Variants in DLGAP2 observed in about 807,000 individuals in gnomAD.
DLGAP2 encodes the protein DLG associated protein 2.
A neutral mutation model predicts 100.3 loss-of-function variants in DLGAP2; 26 were observed. The ratio of observed to expected loss-of-function variants is 0.26; its 90% confidence interval spans 0.19 to 0.36. DLGAP2 has a LOEUF of 0.36. DLGAP2 is among the 10% of genes least tolerant of loss of function. The pLI is 1.00. For missense variants in DLGAP2, 1,858 were observed against 1,453.2 expected, an observed-to-expected ratio of 1.28 and a Z score of -4.53; for synonymous variants, 886 against 630.1, an observed-to-expected ratio of 1.41 and a Z score of -6.08.
At chr8:1,632,528 A>G (rs1018070990) in intron 7 of DLGAP2, among the ~76,000 whole-genome samples, 1 of 152,160 alleles carries the variant, frequency 6.6e-6, no homozygotes, top group Non-Finnish European at 1.5e-5. Context: ...AATCTTTTAA[A>G]AGTTCTATCT....
At chr8:1,640,464 C>T (rs1051510862) in intron 8 of DLGAP2, among the ~76,000 whole-genome samples, 17 of 152,190 alleles carry the variant, frequency 1.1e-4, no homozygotes, top group African/African-American at 3.6e-4. Flanking sequence ...GGAGTCGGTC[C>T]GAGATGTCCC....
At chr8:1,495,897 G>C (rs1176665563) in intron 3 of DLGAP2, among the ~76,000 whole-genome samples, 1 of 152,200 alleles carries the variant, frequency 6.6e-6, no homozygotes, top group Non-Finnish European at 1.5e-5. Flanking sequence ...GCGGCCACTG[G>C]GTGCCGGCGC....
At chr8:1,007,735 G>A (rs1185310081) in intron 2 of DLGAP2, among the ~76,000 whole-genome samples, 1 of 152,046 alleles carries the variant, frequency 6.6e-6, no homozygotes. Context: ...CTTCATATAA[G>A]GAAGCAGCTG....
At chr8:1,018,330 C>G (rs936627056) in intron 2 of DLGAP2, among the ~76,000 whole-genome samples, 2 of 152,216 alleles carry the variant, frequency 1.3e-5, no homozygotes, top group Non-Finnish European at 2.9e-5. Context: ...TGTGAAGAAA[C>G]TCAATTGATT....
intron 6 of DLGAP2, among the ~76,000 whole-genome samples, chr8:1,624,071 C>T (rs1797427988): frequency 6.6e-6 from 1 of 152,234 alleles, no homozygotes. Context: ...GTAGCAGGCA[C>T]TGGTTAGAAA....
chr8:876,923 G>C (rs150148680), intron 1 of DLGAP2, among the ~76,000 whole-genome samples: 1 of 151,446 alleles, frequency 6.6e-6, no homozygotes, highest in South Asian at 2.1e-4. Context: ...TAAACCCCAC[G>C]AATGAGTTTT....
At chr8:903,424 C>T (rs980116375) in intron 1 of DLGAP2, among the ~76,000 whole-genome samples, 3 of 152,066 alleles carry the variant, frequency 2.0e-5, no homozygotes, top group South Asian at 2.1e-4. Flanking sequence ...TGTGCAAGGC[C>T]GTGTCCATAA....
At chr8:1,156,814 T>G (rs1036548758) in intron 2 of DLGAP2, among the ~76,000 whole-genome samples, 1 of 152,154 alleles carries the variant, frequency 6.6e-6, no homozygotes, top group Non-Finnish European at 1.5e-5. Flanking sequence ...CAGGTGGCAT[T>G]TTTCATCCAG....
chr8:963,377 G>T (rs200964770), intron 2 of DLGAP2, among the ~76,000 whole-genome samples: 1 of 151,996 alleles, frequency 6.6e-6, no homozygotes, highest in East Asian at 1.9e-4. Flanking sequence ...GAGCTCCCTG[G>T]GCAGATTACA....
chr8:1,182,728 G>A (rs893362988), intron 2 of DLGAP2, among the ~76,000 whole-genome samples: 3 of 152,186 alleles, frequency 2.0e-5, no homozygotes, highest in Admixed American at 2.0e-4. Context: ...CCTGAGACAC[G>A]GAGCTCCAGC....
At chr8:1,288,539 A>AGT (rs1166851174) in intron 3 of DLGAP2, among the ~76,000 whole-genome samples, 475 of 27,890 alleles carry the variant, frequency 0.017, 7 homozygotes, top group South Asian at 0.051. Context: ...GTTTCAGTTG[A>AGT]GTGTGTGTGT....
chr8:886,632 A>T (rs1797928783), intron 1 of DLGAP2, among the ~76,000 whole-genome samples: 1 of 152,218 alleles, frequency 6.6e-6, no homozygotes, highest in African/African-American at 2.4e-5. Flanking sequence ...TTATTTACCC[A>T]GGAGTCATTC....
intron 2 of DLGAP2, among the ~76,000 whole-genome samples, chr8:1,194,293 C>G (rs1467418336): frequency 6.6e-6 from 1 of 152,100 alleles, no homozygotes; most frequent in Non-Finnish European, 1.5e-5. Flanking sequence ...CTGCAAGAGA[C>G]AAGCAGACGT....
intron 3 of DLGAP2, chr8:1,262,277 G>A (rs1389320171): frequency 1.3e-5 from 2 of 152,202 alleles, no homozygotes; most frequent in Non-Finnish European, 2.9e-5. Context: ...TATATAAAAT[G>A]TAGATCATGA....
chr8:1,447,036 A>G (rs1285098106), intron 3 of DLGAP2, among the ~76,000 whole-genome samples: 1 of 152,220 alleles, frequency 6.6e-6, no homozygotes, highest in Non-Finnish European at 1.5e-5. Context: ...TGTCGTCTGC[A>G]AAGAGGGACA....
At chr8:1,215,935 T>A (rs1165439625) in intron 2 of DLGAP2, among the ~76,000 whole-genome samples, 1 of 151,010 alleles carries the variant, frequency 6.6e-6, no homozygotes, top group Non-Finnish European at 1.5e-5. Flanking sequence ...GGTACCTGGA[T>A]GGGTTCATTT....
chr8:1,268,504 T>TC (rs779059949), intron 3 of DLGAP2, among the ~76,000 whole-genome samples: 2 of 152,246 alleles, frequency 1.3e-5, no homozygotes, highest in Non-Finnish European at 2.9e-5. Context: ...AGTGTCGCCA[T>TC]CTCCAAAGCA....
At chr8:1,253,079 G>T (rs1028711652) in intron 2 of DLGAP2, among the ~76,000 whole-genome samples, 2 of 152,160 alleles carry the variant, frequency 1.3e-5, no homozygotes, top group African/African-American at 4.8e-5. Context: ...TGCCGCCCAC[G>T]CCCGGGCCTG....
chr8:1,289,596 G>C (rs1007623653), intron 3 of DLGAP2, among the ~76,000 whole-genome samples: 9 of 152,178 alleles, frequency 5.9e-5, no homozygotes, highest in African/African-American at 2.2e-4. Context: ...GCAGCCTTGG[G>C]AATATCTGTC....
Sources: allele counts gnomAD v4.1 joint callset (sites outside exome capture counted in the v4.1 genomes callset), GRCh38; gene constraint gnomAD v4.1.1; transcripts MANE v1.5; gene names NCBI Gene and HGNC (gene_info 2026-07-23, HGNC 2026-07-21).